ATP8B2: variants seen among roughly 807,000 people sequenced by gnomAD.
ATP8B2 encodes ATPase phospholipid transporting 8B2, also known as phospholipid-transporting ATPase ID.
A neutral mutation model predicts 133.4 loss-of-function variants in ATP8B2; 70 were observed. That is an observed-to-expected ratio of 0.52 (90% CI 0.43 to 0.64). The LOEUF is 0.64. Among genes scored for constraint, ATP8B2 ranks in the 30% least tolerant of loss-of-function variants. The pLI, the probability that ATP8B2 is intolerant of heterozygous loss-of-function variation, is 0.00. For missense variants in ATP8B2, 1,101 were observed against 1,535.7 expected (o/e 0.72, Z 4.73); for synonymous variants, 517 against 589.5 (o/e 0.88, Z 1.78).
At position 154,340,875 on chromosome 1, in the gene ATP8B2, C is replaced by G. The variant is rs1686356790; in HGVS notation, c.1056C>G (p.Gly352=). The G allele has an allele frequency of 1.9e-6, 3 of 1,614,080 alleles. No homozygotes were observed. The highest frequency in any genetic ancestry group is 2.5e-6 in the Non-Finnish European group (3 of 1,180,034). ...LYVSVEVIRL[G]HSYFINWDKK... is the part of the protein sequence containing the mutation. ...GCAGTGTGGAGGTCATCCGTCTGGG[C>G]CACAGCTACTTCATCAACTGGGATA... The change falls in exon 13 of 28, where the codon GGC becomes GGG. Residue 352 remains glycine (G), a synonymous_variant. Coordinates refer to ENST00000368489, the MANE Select transcript of ATP8B2 (RefSeq NM_001370597.1). The surrounding 1 kb of genome is among the most constrained non-coding windows in gnomAD (Gnocchi z 4.0).
rs1686579713 is a variant in ATP8B2 at position 154,346,274 on chromosome 1, A to G, written c.2822A>G (p.Glu941Gly). The G allele has an allele frequency of 6.2e-6, 10 of 1,614,166 alleles. No homozygotes were observed. Among genetic ancestry groups the G allele is most frequent in the Middle Eastern group, 1.7e-4 (1 of 6,046 alleles). The change falls in exon 25 of 28, where the codon GAG (glutamate) becomes GGG (glycine). Residue 941 changes from glutamate (E) to glycine (G), a missense_variant. Transcript: ENST00000368489. This position sits in a 1 kb window ranked among gnomAD's most constrained non-coding sequence, Gnocchi z 4.5. Reference sequence around the variant, plus strand: ...AGCATGGAGTACCCTAAGCTGTATGAGCCGGGCCAGCTGAACCTTCTCTTC... The same window carrying G: ...AGCATGGAGTACCCTAAGCTGTATGGGCCGGGCCAGCTGAACCTTCTCTTC... Reference protein sequence around the residue: ...QRSMEYPKLYEPGQLNLLFNK... With the variant: ...QRSMEYPKLYGPGQLNLLFNK...
chr1:154,331,050 G>A lies in ATP8B2; in HGVS notation c.207G>A (p.Leu69=), dbSNP rs760769658. The change falls in exon 5 of 28, where the codon TTG becomes TTA. Residue 69 remains leucine, a splice_region_variant and synonymous_variant. Coordinates refer to ENST00000368489, the MANE Select transcript of ATP8B2 (RefSeq NM_001370597.1). This position sits in a 1 kb window ranked among gnomAD's most constrained non-coding sequence, Gnocchi z 4.8. The stretch of plus-strand genomic sequence containing the variant: ...ATACTTCTCTTTCTTTTTTTCAGTT[G>A]ATCCCCCAGATCTCTTCCCTGTCCT... The part of the protein sequence containing the change: ...TYFLFLLILQ[L]IPQISSLSWF... 4 of 1,613,102 alleles carry A rather than the reference G, an allele frequency of 2.5e-6. No homozygotes were observed. Among genetic ancestry groups the A allele is most frequent in the Middle Eastern group, 3.3e-4 (2 of 6,084 alleles).
Position 154,344,324 on chromosome 1 carries a change from G to A in ATP8B2, c.2035+70G>A. ...CTGTTGGACCCTTGCATGGAGCCGAGGACATCAGGCAGGCAAGTGTGCTGA... is the reference window on the plus strand; with the variant it reads ...CTGTTGGACCCTTGCATGGAGCCGAAGACATCAGGCAGGCAAGTGTGCTGA... On this transcript the variant is annotated intron_variant, in intron 19 of 27. Coordinates refer to ENST00000368489, the MANE Select transcript of ATP8B2 (RefSeq NM_001370597.1). This position sits in a 1 kb window ranked among gnomAD's most constrained non-coding sequence, Gnocchi z 4.1. 1 of 1,614,088 alleles carries A rather than the reference G, an allele frequency of 6.2e-7. No individual in the cohort carries two copies. Among genetic ancestry groups the A allele is most frequent in the Non-Finnish European group, 8.5e-7 (1 of 1,179,962 alleles).
At chr1:154,329,174 T>C in intron 2 of ATP8B2, 2 of 1,101,978 alleles carry the variant, frequency 1.8e-6, no homozygotes, top group South Asian at 3.1e-5. Flanking sequence ...CCTGCCTTGA[T>C]CCTCTTTCCA....
At chr1:154,341,791 C>CA (rs5777908) in intron 13 of ATP8B2, 2,612 of 142,168 alleles carry the variant, frequency 0.018, 119 homozygotes, top group East Asian at 0.13. Flanking sequence ...GAAAGTCTAT[C>CA]AAAAAAAAAA....
At position 154,344,398 on chromosome 1, in the gene ATP8B2, C is replaced by T. The variant is rs761738575; in HGVS notation, c.2039C>T (p.Thr680Met). 3 of 1,614,136 alleles carry T rather than the reference C, an allele frequency of 1.9e-6. No individual in the cohort carries two copies. Among genetic ancestry groups the T allele is most frequent in the Middle Eastern group, 1.6e-4 (1 of 6,062 alleles). ...IWVLTGDKQE[T>M]AVNIGYSCKM... Reference sequence around the variant, plus strand: ...CTCCTGCGTTCTCTCTTGGTAGAGACGGCTGTGAACATCGGCTATTCCTGC... The same window carrying T: ...CTCCTGCGTTCTCTCTTGGTAGAGATGGCTGTGAACATCGGCTATTCCTGC... Residue 680 changes from threonine (T) to methionine (M), a missense_variant, in exon 20 of 28, where the codon ACG becomes ATG. Transcript: ENST00000368489. This position sits in a 1 kb window ranked among gnomAD's most constrained non-coding sequence, Gnocchi z 4.1.
In ATP8B2 at chr1:154,331,467, G is replaced by A. The variant is rs1285024805; in HGVS notation, c.327G>A (p.Gln109=). 4.3e-6 allele frequency: 7 copies of A among 1,614,160 alleles called. No individual in the cohort carries two copies. The highest frequency in any genetic ancestry group is 1.7e-5 in the Admixed American group (1 of 60,026). Reference sequence around the variant, plus strand: ...AGTTCCGCCACAAGAGCGATAACCAGGTGAATAACCGCCAGTCTCAGGTGC... The same window carrying A: ...AGTTCCGCCACAAGAGCGATAACCAAGTGAATAACCGCCAGTCTCAGGTGC... ...DDYFRHKSDN[Q]VNNRQSQVLI... Residue 109 remains glutamine, a synonymous_variant, in exon 6 of 28, where the codon CAG becomes CAA. Coordinates refer to ENST00000368489, the MANE Select transcript of ATP8B2 (RefSeq NM_001370597.1). The surrounding 1 kb of genome is among the most constrained non-coding windows in gnomAD (Gnocchi z 4.8).
rs766004263 is a variant in ATP8B2 at position 154,344,514 on chromosome 1, C to T, written c.2141+14C>T. On this transcript the variant is annotated intron_variant, in intron 20 of 27. Coordinates refer to ENST00000368489, the MANE Select transcript of ATP8B2 (RefSeq NM_001370597.1). This position sits in a 1 kb window ranked among gnomAD's most constrained non-coding sequence, Gnocchi z 4.1. ...GGAGGAGCTCAGGTAAACAAGAAGC[C>T]CAGGGGAGGCGGTGCTGTGCGTTGT... 7 of 1,613,870 alleles carry T rather than the reference C, an allele frequency of 4.3e-6. No homozygotes were observed. Among genetic ancestry groups the T allele is most frequent in the Non-Finnish European group, 5.1e-6 (6 of 1,179,982 alleles).
rs773651706 is a variant in ATP8B2 at position 154,346,702 on chromosome 1, T to C, written c.3107T>C (p.Phe1036Ser). 10 of 1,614,202 alleles carry C rather than the reference T, an allele frequency of 6.2e-6. No homozygotes were observed. The highest frequency in any genetic ancestry group is 8.5e-6 in the Non-Finnish European group (10 of 1,180,036). Residue 1036 changes from phenylalanine (F) to serine (S), a missense_variant, in exon 26 of 28, where the codon TTT (phenylalanine) becomes TCT (serine). Transcript: ENST00000368489. The surrounding 1 kb of genome is among the most constrained non-coding windows in gnomAD (Gnocchi z 4.5). Reference sequence around the variant, plus strand: ...CTTGCTGTTTACTTTGCCATCCTCTTTGCCATGCACAGCAATGGGCTCTTC... The same window carrying C: ...CTTGCTGTTTACTTTGCCATCCTCTCTGCCATGCACAGCAATGGGCTCTTC... ...GSLAVYFAIL[F>S]AMHSNGLFDM...
chr1:154,342,543 ATTC>A lies in ATP8B2; in HGVS notation c.1287+22_1287+24del. ...GGAGAGGTAAGATTCAGTCTCCCTA[ATTC>A]TATGTGCCAGTGAAACAGGGTGCCT... On this transcript the variant is annotated intron_variant, in intron 14 of 27. Transcript: ENST00000368489. 1 of 1,610,780 alleles carries A rather than the reference ATTC, an allele frequency of 6.2e-7. No individual in the cohort carries two copies. Among genetic ancestry groups the A allele is most frequent in the Non-Finnish European group, 8.5e-7 (1 of 1,176,994 alleles).
intron 2 of ATP8B2, chr1:154,329,151 C>T (rs1017858093): frequency 1.5e-5 from 18 of 1,182,128 alleles, no homozygotes; most frequent in Middle Eastern, 2.4e-4. Context: ...CACTTGTCCC[C>T]AGCCTCCCCC....
rs1028292198 is a variant in ATP8B2, at chr1:154,334,907, A to G, written c.837+316A>G. On this transcript the variant is annotated intron_variant, in intron 11 of 27. Transcript: ENST00000368489. The surrounding 1 kb of genome is among the most constrained non-coding windows in gnomAD (Gnocchi z 4.6). ...TTTTGCCAGGGACAAGGAGGCCTTCATGGGGATGGAGAGGGAATTAAAAGA... is the reference window on the plus strand; with the variant it reads ...TTTTGCCAGGGACAAGGAGGCCTTCGTGGGGATGGAGAGGGAATTAAAAGA... Among the ~76,000 whole-genome samples the G allele has an allele frequency of 1.3e-5, 2 of 152,172 alleles. No individual in the cohort carries two copies. Among genetic ancestry groups the G allele is most frequent in the African/African-American group, 4.8e-5 (2 of 41,444 alleles).
chr1:154,344,457 A>T lies in ATP8B2; in HGVS notation c.2098A>T (p.Ile700Leu). 6.2e-7 allele frequency: 1 copy of T among 1,614,136 alleles called. No homozygotes were observed. The highest frequency in any genetic ancestry group is 8.5e-7 in the Non-Finnish European group (1 of 1,180,014). ...MLTDDMTEVF[I>L]VTGHTVLEVR... ...GACGGATGACATGACTGAGGTTTTC[A>T]TAGTCACTGGCCATACTGTCCTGGA... The change falls in exon 20 of 28, where the codon ATA becomes TTA. Residue 700 changes from isoleucine to leucine, a missense_variant. Physicochemically the swap from Ile to Leu is conservative, Grantham distance 5 (BLOSUM62 2). Transcript: ENST00000368489. The surrounding 1 kb of genome is among the most constrained non-coding windows in gnomAD (Gnocchi z 4.1).
chr1:154,340,735 C>G lies in ATP8B2; in HGVS notation c.1035-119C>G. ...GCCCTTTCCCACCCAGGTTTCTGTG[C>G]CCAGGTGTCTTCTCCGTTCTTGTCT... On this transcript the variant is annotated intron_variant, in intron 12 of 27. Coordinates refer to ENST00000368489, the MANE Select transcript of ATP8B2 (RefSeq NM_001370597.1). This position sits in a 1 kb window ranked among gnomAD's most constrained non-coding sequence, Gnocchi z 4.0. The G allele has an allele frequency of 1.1e-6, 1 of 945,626 alleles. No homozygotes were observed. The highest frequency in any genetic ancestry group is 1.7e-6 in the Non-Finnish European group (1 of 603,338). 58.6% of individuals were successfully genotyped at this position (945,626 alleles called of 1,614,324 possible). A position where few individuals can be genotyped will look rare whatever the true frequency, so the allele number is the denominator to read the frequency against.
chr1:154,349,081 G>GC lies in ATP8B2; in HGVS notation c.3540dup (p.Ser1181GlnfsTer77). On this transcript the variant is annotated frameshift_variant, in exon 28 of 28. Coordinates refer to ENST00000368489, the MANE Select transcript of ATP8B2 (RefSeq NM_001370597.1). LOFTEE classifies it high-confidence loss of function. ...AGGAAGAAGAGTGACAGTGCCAGTA[G>GC]CCCCAGTGGCGGTGCCGACAAGCCC... 6.2e-7 allele frequency: 1 copy of GC among 1,614,214 alleles called. No individual in the cohort carries two copies. The highest frequency in any genetic ancestry group is 8.5e-7 in the Non-Finnish European group (1 of 1,180,012).
At position 154,346,942 on chromosome 1, in the gene ATP8B2, G is replaced by A. The variant is rs1180860222; in HGVS notation, c.3163+184G>A. 3.3e-5 allele frequency among the ~76,000 whole-genome samples: 5 copies of A among 152,036 alleles called. No individual in the cohort carries two copies. Among genetic ancestry groups the A allele is most frequent in the Non-Finnish European group, 7.4e-5 (5 of 67,998 alleles). Reference sequence around the variant, plus strand: ...GGCTGGAGTGCAGTGGTGCGATCTCGGCTCACTGCAGCCTTCGACTCACTG... The same window carrying A: ...GGCTGGAGTGCAGTGGTGCGATCTCAGCTCACTGCAGCCTTCGACTCACTG... On this transcript the variant is annotated intron_variant, in intron 26 of 27. Transcript: ENST00000368489. This position sits in a 1 kb window ranked among gnomAD's most constrained non-coding sequence, Gnocchi z 4.5.
chr1:154,327,772 A>G (rs1685840085), intron 1 of ATP8B2: 1 of 1,605,768 alleles, frequency 6.2e-7, no homozygotes, highest in Non-Finnish European at 8.5e-7. Context: ...TGCCGCCAGA[A>G]CACATGAGAG....
chr1:154,338,889 T>C (rs745726500), intron 12 of ATP8B2: 2 of 151,936 alleles, frequency 1.3e-5, no homozygotes, highest in Non-Finnish European at 2.9e-5. Flanking sequence ...ACAGCATGAA[T>C]AGGATCAAGG....
intron 12 of ATP8B2, among the ~76,000 whole-genome samples, chr1:154,338,406 A>G (rs1686263046): frequency 6.6e-6 from 1 of 152,194 alleles, no homozygotes; most frequent in South Asian, 2.1e-4. Flanking sequence ...TCACACCTGT[A>G]ATCCCAGCAC....
Sources: allele counts gnomAD v4.1 joint callset (sites outside exome capture counted in the v4.1 genomes callset), GRCh38; gene constraint gnomAD v4.1.1; non-coding constraint Gnocchi (gnomAD v3.1); transcripts MANE v1.5; gene names NCBI Gene and HGNC (gene_info 2026-07-23, HGNC 2026-07-21).